The following MLIP variants were observed in gnomAD, a reference collection of about 807,000 sequenced individuals.
The protein encoded by MLIP is muscular LMNA-interacting protein.
Under a neutral mutation model 84.8 loss-of-function variants are expected in MLIP, and 79 were observed. That is an observed-to-expected ratio of 0.93 (90% CI 0.78 to 1.12). MLIP has a LOEUF of 1.12. MLIP is among the 50% of genes most tolerant of loss of function. The pLI is 0.00. For synonymous variants in MLIP, 504 were observed against 463.0 expected (o/e 1.09, Z -1.14); for missense variants, 1,257 against 1,160.6 (o/e 1.08, Z -1.21).
intron 11 of MLIP, among the ~76,000 whole-genome samples, chr6:54,219,396 A>G: frequency 8.0e-6 from 1 of 124,410 alleles, no homozygotes; most frequent in East Asian, 2.3e-4. Flanking sequence ...TTTCTCAGAC[A>G]CAAGTACACA....
intron 5 of MLIP, among the ~76,000 whole-genome samples, chr6:54,155,899 C>G (rs1183610824): frequency 6.6e-6 from 1 of 152,002 alleles, no homozygotes; most frequent in Non-Finnish European, 1.5e-5. Context: ...GTTAAGAATT[C>G]TTTAAGATGA....
intron 12 of MLIP, among the ~76,000 whole-genome samples, chr6:54,231,290 CT>C (rs971930230): frequency 1.3e-5 from 2 of 152,002 alleles, no homozygotes; most frequent in Non-Finnish European, 1.5e-5. Flanking sequence ...ATTACAGTGC[CT>C]GGTTGAGGAG....
At chr6:54,118,834 C>T (rs1770185020) in intron 1 of MLIP, among the ~76,000 whole-genome samples, 1 of 151,922 alleles carries the variant, frequency 6.6e-6, no homozygotes, top group Non-Finnish European at 1.5e-5. Flanking sequence ...AGACAACAAT[C>T]CAATTAAAAA....
At chr6:54,252,172 TATAAC>T (rs1400154685) in intron 12 of MLIP, among the ~76,000 whole-genome samples, 1 of 101,994 alleles carries the variant, frequency 9.8e-6, no homozygotes, top group East Asian at 3.0e-4. Flanking sequence ...ATAACTATAT[TATAAC>T]ATAATATATA....
intron 1 of MLIP, among the ~76,000 whole-genome samples, chr6:54,052,286 C>T (rs903871966): frequency 1.3e-5 from 2 of 152,058 alleles, no homozygotes; most frequent in African/African-American, 2.4e-5. Context: ...TAAATTGGAC[C>T]AGGACCAATG....
intron 4 of MLIP, among the ~76,000 whole-genome samples, chr6:54,148,672 G>A (rs945650415): frequency 3.9e-5 from 6 of 152,128 alleles, no homozygotes; most frequent in African/African-American, 1.4e-4. Context: ...TTGTGACACT[G>A]TAGAAAAGAA....
intron 1 of MLIP, among the ~76,000 whole-genome samples, chr6:54,111,905 A>G (rs913897708): frequency 1.3e-5 from 2 of 152,218 alleles, no homozygotes; most frequent in African/African-American, 4.8e-5. Flanking sequence ...TAAGAAAGGA[A>G]GGCATTACAG....
At chr6:54,221,733 A>G (rs1283825448) in intron 11 of MLIP, among the ~76,000 whole-genome samples, 3 of 151,928 alleles carry the variant, frequency 2.0e-5, no homozygotes, top group Non-Finnish European at 4.4e-5. Flanking sequence ...AAAAATAGGC[A>G]AAAGTAGATC....
In MLIP at chr6:54,024,877, G is replaced by A. The variant is rs1431391941; in HGVS notation, c.63+5786G>A. Among the ~76,000 whole-genome samples, 7 of 151,920 alleles carry A rather than the reference G, an allele frequency of 4.6e-5. No individual in the cohort carries two copies. In the East Asian group the frequency reaches 7.7e-4, roughly 17 times the overall value. ...TTTGGAGATGGAGTCTCACTCTGTC[G>A]CCCAGGCTGGAGTGTAGTGGCATGA... On this transcript the variant is annotated intron_variant, in intron 1 of 12. Coordinates refer to the MLIP transcript ENST00000274897.
intron 5 of MLIP, among the ~76,000 whole-genome samples, chr6:54,155,283 TAAC>T (rs1265679027): frequency 1.3e-5 from 2 of 152,170 alleles, no homozygotes; most frequent in Non-Finnish European, 2.9e-5. Flanking sequence ...TTTATTTTTC[TAAC>T]AATATCTACT....
chr6:54,203,285 G>T (rs892412960), intron 11 of MLIP, among the ~76,000 whole-genome samples: 25 of 152,066 alleles, frequency 1.6e-4, no homozygotes, highest in African/African-American at 6.0e-4. Flanking sequence ...TTTATTGAGA[G>T]ATTGAAATAT....
At chr6:54,116,125 T>A (rs1769897708) in intron 1 of MLIP, among the ~76,000 whole-genome samples, 1 of 151,896 alleles carries the variant, frequency 6.6e-6, no homozygotes, top group Admixed American at 6.6e-5. Flanking sequence ...ATGAACTGGG[T>A]TAAAAGGCGT....
intron 11 of MLIP, among the ~76,000 whole-genome samples, chr6:54,212,290 C>T (rs1165780369): frequency 6.6e-6 from 1 of 152,066 alleles, no homozygotes; most frequent in Non-Finnish European, 1.5e-5. Flanking sequence ...TTGTCTTCAC[C>T]CGCACAATGA....
At chr6:54,252,507 A>T (rs1782704870) in intron 12 of MLIP, among the ~76,000 whole-genome samples, 1 of 142,464 alleles carries the variant, frequency 7.0e-6, no homozygotes, top group African/African-American at 2.6e-5. Flanking sequence ...AATATAATAT[A>T]TTATAACATA....
chr6:54,237,421 G>A (rs1246870292), intron 12 of MLIP, among the ~76,000 whole-genome samples: 2 of 152,080 alleles, frequency 1.3e-5, no homozygotes, highest in African/African-American at 4.8e-5. Context: ...CTGCTTAAAC[G>A]TTAAGGACTG....
chr6:54,174,881 G>A (rs1776128267), intron 9 of MLIP, among the ~76,000 whole-genome samples: 1 of 151,934 alleles, frequency 6.6e-6, no homozygotes, highest in Admixed American at 6.6e-5. Context: ...ATAGTTTGAG[G>A]TCTTAGGTTT....
intron 12 of MLIP, among the ~76,000 whole-genome samples, chr6:54,252,212 T>C (rs1382401501): frequency 1.8e-5 from 2 of 109,790 alleles, no homozygotes; most frequent in African/African-American, 7.8e-5. Context: ...TAACATATAA[T>C]ATATAACTAT....
intron 1 of MLIP, among the ~76,000 whole-genome samples, chr6:54,050,514 G>A (rs1765315618): frequency 6.6e-6 from 1 of 152,076 alleles, no homozygotes; most frequent in South Asian, 2.1e-4. Flanking sequence ...TGTCTGGATA[G>A]TATTTTATGG....
intron 4 of MLIP, among the ~76,000 whole-genome samples, chr6:54,144,045 T>A (rs1445625981): frequency 6.6e-6 from 1 of 152,190 alleles, no homozygotes; most frequent in African/African-American, 2.4e-5. Context: ...ACCTCGCCCA[T>A]CTGCTTTGCC....
Sources: gnomAD v4.1 joint callset for allele counts (sites outside exome capture counted in the v4.1 genomes callset) on GRCh38, gnomAD v4.1.1 for gene constraint, MANE v1.5 for transcripts, NCBI Gene and HGNC (gene_info 2026-07-23, HGNC 2026-07-21) for gene names.